RTF2: variants seen among roughly 807,000 people sequenced by gnomAD.
RTF2 encodes replication termination factor 2, also known as UPF0549 protein C20orf43.
Under a neutral mutation model 38.0 loss-of-function variants are expected in RTF2, and 18 were observed. The observed-to-expected ratio is 0.47, with a 90% CI of 0.33 to 0.70. The LOEUF (loss-of-function observed/expected upper bound fraction) is 0.70, where lower values mean the gene tolerates loss of function less well. Ranked by LOEUF, RTF2 falls within the 30% of genes least tolerant of loss-of-function variation. The pLI is 0.02. For synonymous variants in RTF2, 126 were observed against 137.1 expected (o/e 0.92, Z 0.57); for missense variants, 311 against 379.6 (o/e 0.82, Z 1.50).
intron 5 of RTF2, chr20:56,495,116 G>T: frequency 1.1e-6 from 1 of 898,404 alleles, no homozygotes; most frequent in Non-Finnish European, 1.8e-6. Context: ...ATGATCCTCC[G>T]TCTTGCCCAC....
chr20:56,484,046 A>G (rs1982655571), intron 4 of RTF2, 65 bp from the exon 5 acceptor site: 2 of 1,403,962 alleles, frequency 1.4e-6, no homozygotes, highest in African/African-American at 1.4e-5. Flanking sequence ...CTTTGTATCA[A>G]CCGAATAAAT....
rs1050181349 is a variant in RTF2, at chr20:56,468,672, C to A, written c.-26C>A. The A allele has an allele frequency of 2.1e-5, 33 of 1,557,778 alleles. No individual in the cohort carries two copies. In the African/African-American group the frequency reaches 3.8e-4, roughly 18 times the overall value. On this transcript the variant is annotated 5_prime_UTR_variant, in exon 1 of 9. In the 5' UTR this introduces an upstream ATG that the reference lacks. Transcript: ENST00000357348. ...CGGAAGTGACAGCTTTGGGGGTTTG[C>A]TGCTGGCTCTGACTCCCGTCCTGCG...
chr20:56,489,207 C>G (rs938012600), intron 5 of RTF2, among the ~76,000 whole-genome samples: 8 of 146,922 alleles, frequency 5.4e-5, no homozygotes, highest in Non-Finnish European at 1.0e-4. Context: ...AGGCGCCCAC[C>G]ACCATGCCTG....
In RTF2 at chr20:56,474,790, A is replaced by T; in HGVS notation, c.258+19A>T. 1.3e-6 allele frequency: 2 copies of T among 1,494,606 alleles called. No individual in the cohort carries two copies. Among genetic ancestry groups the T allele is most frequent in the South Asian group, 2.3e-5 (2 of 86,566 alleles). 92.6% of individuals were successfully genotyped at this position (1,494,606 alleles called of 1,614,324 possible). A position where few individuals can be genotyped will look rare whatever the true frequency, so the allele number is the denominator to read the frequency against. Reference sequence around the variant, plus strand: ...CATTAAGGTAACACGAGTGATTCTGAAGTGCTGTGAGGGTCTGAACAGTGG... The same window carrying T: ...CATTAAGGTAACACGAGTGATTCTGTAGTGCTGTGAGGGTCTGAACAGTGG... On this transcript the variant is annotated intron_variant, in intron 3 of 8. Coordinates refer to ENST00000357348, the MANE Select transcript of RTF2 (RefSeq NM_016407.5).
At chr20:56,484,228 G>A (rs1982669776) in intron 5 of RTF2, 39 bp downstream of exon 5, 1 of 1,502,020 alleles carries the variant, frequency 6.7e-7, no homozygotes, top group East Asian at 2.3e-5. Context: ...CTTCTCTGTA[G>A]CTGAGGAAAT....
intron 5 of RTF2, among the ~76,000 whole-genome samples, chr20:56,498,040 C>T (rs989352418): frequency 6.6e-6 from 1 of 152,062 alleles, no homozygotes; most frequent in Non-Finnish European, 1.5e-5. Flanking sequence ...ATGTTAGTTC[C>T]CTGTAGTTTT....
rs1985217625 is a variant in RTF2, at chr20:56,518,693, A to G, written c.*428A>G. ...GGGCTTTAAAAAGGATGGATTTCAA[A>G]TACACTGTGCCCACTAGAAGCTTCG... On this transcript the variant is annotated 3_prime_UTR_variant, in exon 9 of 9. Transcript: ENST00000357348. The G allele has an allele frequency of 6.4e-6, 1 of 155,524 alleles. No individual in the cohort carries two copies. Among genetic ancestry groups the G allele is most frequent in the Non-Finnish European group, 1.4e-5 (1 of 70,462 alleles). The allele number at this position is 155,524 out of a possible 1,614,324, so 9.6% of individuals were successfully genotyped here.
chr20:56,469,804 C>G (rs756777621), intron 1 of RTF2, among the ~76,000 whole-genome samples: 1 of 152,172 alleles, frequency 6.6e-6, no homozygotes, highest in Non-Finnish European at 1.5e-5. Context: ...CTCTCCACCT[C>G]TTTCATACTG....
chr20:56,501,890 G>A (rs1239950565), intron 5 of RTF2, among the ~76,000 whole-genome samples: 1 of 152,118 alleles, frequency 6.6e-6, no homozygotes, highest in Non-Finnish European at 1.5e-5. Context: ...AAATAAATTT[G>A]GGGGTTTGTG....
At chr20:56,514,796 G>A (rs970937804) in intron 6 of RTF2, among the ~76,000 whole-genome samples, 2 of 152,124 alleles carry the variant, frequency 1.3e-5, no homozygotes, top group African/African-American at 2.4e-5. Flanking sequence ...TTCAAGGAAC[G>A]GTGCCCAAAC....
chr20:56,484,578 T>A (rs1600802599), intron 5 of RTF2, among the ~76,000 whole-genome samples: 1 of 152,200 alleles, frequency 6.6e-6, no homozygotes, highest in South Asian at 2.1e-4. Flanking sequence ...GTAATGTAAT[T>A]GCGTATGTAT....
rs529873207 is a variant in RTF2 at position 56,513,195 on chromosome 20, G to C, written c.478-120G>C. 4 of 1,350,918 alleles carry C rather than the reference G, an allele frequency of 3.0e-6. No homozygotes were observed. In the East Asian group the frequency reaches 1.0e-4, roughly 35 times the overall value. The allele number at this position is 1,350,918 out of a possible 1,614,324, so 83.7% of individuals were successfully genotyped here. ...AAACCAAGGCTTTGACCAGAAAGCC[G>C]GTAATAGGAATTTACTCGGAGCCTG... On this transcript the variant is annotated intron_variant, in intron 5 of 8. Transcript: ENST00000357348.
At chr20:56,514,777 G>A (rs889099435) in intron 6 of RTF2, among the ~76,000 whole-genome samples, 16 of 152,134 alleles carry the variant, frequency 1.1e-4, no homozygotes, top group Admixed American at 9.8e-4. Context: ...TCTGAAAATG[G>A]CTCTGTAGTT....
intron 4 of RTF2, among the ~76,000 whole-genome samples, chr20:56,479,798 G>A (rs545933150): frequency 3.4e-4 from 51 of 151,498 alleles, no homozygotes; most frequent in African/African-American, 1.2e-3. Context: ...ATCAATGAGC[G>A]GTGATATTTT....
At chr20:56,470,636 C>G (rs1179823270) in intron 1 of RTF2, 2 of 455,968 alleles carry the variant, frequency 4.4e-6, no homozygotes, top group East Asian at 1.4e-4. Flanking sequence ...GGCCTGGTCA[C>G]CAGAAACACC....
chr20:56,471,318 C>T (rs1363053528), intron 1 of RTF2, among the ~76,000 whole-genome samples: 1 of 152,172 alleles, frequency 6.6e-6, no homozygotes, highest in African/African-American at 2.4e-5. Flanking sequence ...CCTGTAATCC[C>T]AGCACTTTGG....
At chr20:56,499,205 T>C (rs1349433205) in intron 5 of RTF2, among the ~76,000 whole-genome samples, 1 of 149,970 alleles carries the variant, frequency 6.7e-6, no homozygotes, top group African/African-American at 2.4e-5. Flanking sequence ...TTTTTTTTTT[T>C]TTTTTTTTTG....
chr20:56,468,830 G>T, intron 1 of RTF2, 64 bp downstream of exon 1: 3 of 1,392,554 alleles, frequency 2.2e-6, no homozygotes, highest in Non-Finnish European at 3.0e-6. Flanking sequence ...CCCAGAAAAC[G>T]AGAGGAAGTA....
chr20:56,489,695 A>G (rs1415052760), intron 5 of RTF2, among the ~76,000 whole-genome samples: 6 of 152,152 alleles, frequency 3.9e-5, no homozygotes, highest in Non-Finnish European at 8.8e-5. Flanking sequence ...GGCCCCCTTC[A>G]CGGTATGTGA....
Sources: allele counts gnomAD v4.1 joint callset (sites outside exome capture counted in the v4.1 genomes callset), GRCh38; gene constraint gnomAD v4.1.1; transcripts MANE v1.5; gene names NCBI Gene and HGNC (gene_info 2026-07-23, HGNC 2026-07-21).